GNAL: variants seen among roughly 807,000 people sequenced by gnomAD.
GNAL encodes the protein G protein subunit alpha L, also known as guanine nucleotide-binding protein G(olf) subunit alpha.
Under a neutral mutation model 55.1 loss-of-function variants are expected in GNAL, and 18 were observed. The ratio of observed to expected loss-of-function variants is 0.33; its 90% confidence interval spans 0.23 to 0.48. The LOEUF (loss-of-function observed/expected upper bound fraction) is 0.48, where lower values mean the gene tolerates loss of function less well. Ranked by LOEUF, GNAL falls within the 20% of genes least tolerant of loss-of-function variation. The pLI is 0.99. For missense variants in GNAL, 412 were observed against 614.1 expected, an observed-to-expected ratio of 0.67 and a Z score of 3.48; for synonymous variants, 253 against 237.0, an observed-to-expected ratio of 1.07 and a Z score of -0.62.
intron 4 of GNAL, among the ~76,000 whole-genome samples, chr18:11,786,706 C>T (rs1253972424): frequency 6.6e-6 from 1 of 151,464 alleles, no homozygotes; most frequent in Non-Finnish European, 1.5e-5. Context: ...CCACCTCGGC[C>T]TCCCAAAGTG....
chr18:11,796,024 G>A (rs1408552311), intron 4 of GNAL, among the ~76,000 whole-genome samples: 5 of 152,190 alleles, frequency 3.3e-5, no homozygotes, highest in Non-Finnish European at 5.9e-5. Flanking sequence ...GCTGGGGTCA[G>A]CTAACGGACA....
chr18:11,853,466 A>C (rs1006837830), intron 5 of GNAL: 1 of 167,132 alleles, frequency 6.0e-6, no homozygotes, highest in African/African-American at 2.4e-5. Context: ...AGTTAATTCA[A>C]GTTTTTTTTA....
intron 1 of GNAL, among the ~76,000 whole-genome samples, chr18:11,699,745 C>T (rs1256241023): frequency 1.3e-5 from 2 of 152,100 alleles, no homozygotes; most frequent in Non-Finnish European, 2.9e-5. Context: ...GCAGGGAAAC[C>T]GCTCCCTATG....
At chr18:11,720,234 T>A (rs996620339) in intron 1 of GNAL, among the ~76,000 whole-genome samples, 1 of 152,224 alleles carries the variant, frequency 6.6e-6, no homozygotes, top group African/African-American at 2.4e-5. Context: ...AGGATTATTA[T>A]GTAGATACTT....
rs2033704201 is a variant in GNAL, at chr18:11,773,849, C to CT, written c.624+19904_624+19905insT. ...AAAAACAATCGCATCTGAGTAATTT[C>CT]GGTGACTAGAGTAAAAGTTCCTTAA... On this transcript the variant is annotated intron_variant, in intron 4 of 11. Coordinates refer to ENST00000334049, the MANE Select transcript of GNAL (RefSeq NM_182978.4). 3.3e-5 allele frequency among the ~76,000 whole-genome samples: 5 copies of CT among 152,138 alleles called. No individual in the cohort carries two copies. The South Asian group carries it at 8.3e-4, about 25-fold the overall frequency.
intron 1 of GNAL, among the ~76,000 whole-genome samples, chr18:11,714,852 A>C (rs143991941): frequency 1.3e-5 from 2 of 152,074 alleles, no homozygotes; most frequent in Non-Finnish European, 2.9e-5. Flanking sequence ...TTTTCCTTTC[A>C]CATTAAGGAT....
At chr18:11,795,752 C>T (rs540948383) in intron 4 of GNAL, among the ~76,000 whole-genome samples, 75 of 152,336 alleles carry the variant, frequency 4.9e-4, no homozygotes, top group African/African-American at 1.7e-3. Flanking sequence ...TGCTGCCATC[C>T]AGGCCTCTGG....
chr18:11,841,995 G>A (rs1445278589), intron 5 of GNAL, among the ~76,000 whole-genome samples: 3 of 149,754 alleles, frequency 2.0e-5, no homozygotes, highest in East Asian at 2.0e-4. Flanking sequence ...TTTTTGAGAC[G>A]GAGTTTCGCT....
At chr18:11,872,574 C>T (rs2071141) in intron 10 of GNAL, among the ~76,000 whole-genome samples, 176 bp downstream of exon 10, 3 of 152,000 alleles carry the variant, frequency 2.0e-5, no homozygotes, top group Non-Finnish European at 2.9e-5. Flanking sequence ...TATTTGTAAT[C>T]GGATCCCATT....
At chr18:11,817,173 G>A (rs2034978102) in intron 4 of GNAL, among the ~76,000 whole-genome samples, 2 of 152,192 alleles carry the variant, frequency 1.3e-5, no homozygotes, top group African/African-American at 4.8e-5. Flanking sequence ...TAAGTCCTAA[G>A]GGAAAAATAG....
In GNAL at chr18:11,779,457, C is replaced by A. The variant is rs769452470; in HGVS notation, c.624+25512C>A. Among the ~76,000 whole-genome samples, 48 of 152,176 alleles carry A rather than the reference C, an allele frequency of 3.2e-4. 1 individual carries two copies. Among genetic ancestry groups the A allele is most frequent in the Non-Finnish European group, 4.4e-5 (3 of 68,040 alleles). ...AGACTTTCTTACAGACAAGAAGAACCTGCTGACTAAAGCTTGTGTGGCGGG... is the reference window on the plus strand; with the variant it reads ...AGACTTTCTTACAGACAAGAAGAACATGCTGACTAAAGCTTGTGTGGCGGG... On this transcript the variant is annotated intron_variant, in intron 4 of 11. Transcript: ENST00000334049.
At chr18:11,702,729 G>A (rs775479102) in intron 1 of GNAL, among the ~76,000 whole-genome samples, 1 of 151,760 alleles carries the variant, frequency 6.6e-6, no homozygotes, top group South Asian at 2.1e-4. Flanking sequence ...ATCCATGCAG[G>A]TACAGAAGAC....
At position 11,867,307 on chromosome 18, in the gene GNAL, G is replaced by A. The variant is rs2036284936; in HGVS notation, c.910+81G>A. ...GCTGTGCTTAACTATTCTTGAATTAGATAATCTCTAACTAATATGTAAAGT... is the reference window on the plus strand; with the variant it reads ...GCTGTGCTTAACTATTCTTGAATTAAATAATCTCTAACTAATATGTAAAGT... On this transcript the variant is annotated intron_variant, in intron 8 of 11. Coordinates refer to ENST00000334049, the MANE Select transcript of GNAL (RefSeq NM_182978.4). The A allele has an allele frequency of 4.1e-5, 35 of 846,790 alleles. 1 individual carries two copies. The South Asian group carries it at 4.6e-4, about 11-fold the overall frequency. 52.5% of individuals were successfully genotyped at this position (846,790 alleles called of 1,614,324 possible).
intron 4 of GNAL, among the ~76,000 whole-genome samples, chr18:11,776,110 C>A (rs950572322): frequency 6.6e-6 from 1 of 152,202 alleles, no homozygotes; most frequent in African/African-American, 2.4e-5. Flanking sequence ...TCCAGAGCGC[C>A]TCTTTGCTCA....
At chr18:11,793,622 A>ATT in intron 4 of GNAL, among the ~76,000 whole-genome samples, 1 of 151,916 alleles carries the variant, frequency 6.6e-6, no homozygotes, top group African/African-American at 2.4e-5. Flanking sequence ...AAAAAGACAA[A>ATT]TAATTTAAAA....
intron 8 of GNAL, 84 bp downstream of exon 8, chr18:11,867,310 A>AG: frequency 1.2e-6 from 1 of 822,520 alleles, no homozygotes; most frequent in Non-Finnish European, 2.1e-6. Context: ...TGAATTAGAT[A>AG]ATCTCTAACT....
intron 1 of GNAL, among the ~76,000 whole-genome samples, chr18:11,741,115 T>G (rs1228470643): frequency 1.3e-5 from 2 of 152,260 alleles, no homozygotes; most frequent in African/African-American, 2.4e-5. Flanking sequence ...AGTCATTATA[T>G]GCAGATTAAT....
chr18:11,719,712 T>C (rs921552096), intron 1 of GNAL, among the ~76,000 whole-genome samples: 2 of 152,260 alleles, frequency 1.3e-5, no homozygotes, highest in African/African-American at 4.8e-5. Flanking sequence ...TGCCTCACCC[T>C]GGAAGAACGG....
chr18:11,726,775 A>G (rs1310533832), intron 1 of GNAL, among the ~76,000 whole-genome samples: 1 of 152,182 alleles, frequency 6.6e-6, no homozygotes, highest in African/African-American at 2.4e-5. Context: ...ACCATCAAAA[A>G]CAGACAGGTA....
Sources: gnomAD v4.1 joint callset for allele counts (sites outside exome capture counted in the v4.1 genomes callset) on GRCh38, gnomAD v4.1.1 for gene constraint, MANE v1.5 for transcripts, NCBI Gene and HGNC (gene_info 2026-07-23, HGNC 2026-07-21) for gene names.